The following CAT variants were observed in gnomAD, a reference collection of about 807,000 sequenced individuals.
The protein encoded by CAT is epididymis secretory sperm binding protein.
In CAT, 43 loss-of-function variants were observed where a neutral mutation model predicts 59.0. The ratio of observed to expected loss-of-function variants is 0.73; its 90% CI spans 0.57 to 0.94. CAT has a LOEUF of 0.94. Among genes scored for constraint, CAT ranks in the 40% least tolerant of loss-of-function variants. The probability of loss-of-function intolerance (pLI) is 0.00; values close to 1 mark genes in which losing one functional copy is unlikely to be tolerated. For missense variants in CAT, 664 were observed against 682.9 expected (o/e 0.97, Z 0.31); for synonymous variants, 218 against 230.9 (o/e 0.94, Z 0.51).
rs1856629743 is a variant in CAT, at chr11:34,459,922, A to G, written c.1057-1329A>G. Among the ~76,000 whole-genome samples, 4 of 152,224 alleles carry G rather than the reference A, an allele frequency of 2.6e-5. No homozygotes were observed. The South Asian group carries it at 8.3e-4, about 32-fold the overall frequency. On this transcript the variant is annotated intron_variant, in intron 8 of 12. Coordinates refer to ENST00000241052, the MANE Select transcript of CAT (RefSeq NM_001752.4). ...TGGCCGCATGGCTAGTCATCTAAAT[A>G]TGACCTTAGGCTATTTGAAATGATG... is the stretch of plus-strand genomic sequence containing the variant.
At position 34,439,088 on chromosome 11, in the gene CAT, T is replaced by C; in HGVS notation, c.66+9T>C. On this transcript the variant is annotated intron_variant, in intron 1 of 12. Transcript: ENST00000241052. ...AGCAGCGGGCCGCGCAGGTACACTC[T>C]GTGCTCCCCGAGCGGGCCCGAAGGT... The C allele has an allele frequency of 6.3e-7, 1 of 1,581,212 alleles. No individual in the cohort carries two copies. The highest frequency in any genetic ancestry group is 8.6e-7 in the Non-Finnish European group (1 of 1,163,550).
intron 9 of CAT, among the ~76,000 whole-genome samples, chr11:34,463,791 A>G (rs75839268): frequency 1.5e-3 from 231 of 152,298 alleles, no homozygotes; most frequent in African/African-American, 5.4e-3. Flanking sequence ...ATAAACTTCT[A>G]CATGTGCTGT....
intron 4 of CAT, among the ~76,000 whole-genome samples, chr11:34,452,536 G>A (rs1564962659): frequency 6.6e-6 from 1 of 152,020 alleles, no homozygotes; most frequent in Admixed American, 6.6e-5. Flanking sequence ...AGCAGGAGGG[G>A]GTGTGTGTGC....
chr11:34,447,280 G>A (rs1444234759), intron 1 of CAT, among the ~76,000 whole-genome samples: 1 of 152,068 alleles, frequency 6.6e-6, no homozygotes, highest in Non-Finnish European at 1.5e-5. Context: ...GGATGGCCCA[G>A]GCATCAGGAG....
intron 8 of CAT, among the ~76,000 whole-genome samples, chr11:34,458,285 A>G (rs529291396): frequency 9.2e-5 from 14 of 152,356 alleles, no homozygotes; most frequent in Admixed American, 3.3e-4. Context: ...AATGAGAAGA[A>G]TAGAGTTTGG....
At position 34,456,132 on chromosome 11, in the gene CAT, CTT is replaced by C; in HGVS notation, c.837_838del (p.Phe279LeufsTer8). 1.9e-6 allele frequency: 3 copies of C among 1,613,938 alleles called. No individual in the cohort carries two copies. Among genetic ancestry groups the C allele is most frequent in the Non-Finnish European group, 2.5e-6 (3 of 1,179,842 alleles). On this transcript the variant is annotated frameshift_variant, in exon 7 of 13. Transcript: ENST00000241052. LOFTEE classifies it high-confidence loss of function. Reference sequence around the variant, plus strand: ...GCCACAGGAAAGTACCCCTCCTGGACTTTTTACATCCAGGTCATGACATTTAA... The same window carrying C: ...GCCACAGGAAAGTACCCCTCCTGGACTTTACATCCAGGTCATGACATTTAA...
At position 34,456,063 on chromosome 11, in the gene CAT, A is replaced by G. The variant is rs147298685; in HGVS notation, c.764A>G (p.Gln255Arg). 387 of 1,614,050 alleles carry G rather than the reference A, an allele frequency of 2.4e-4. No homozygotes were observed. The highest frequency in any genetic ancestry group is 3.3e-4 in the Middle Eastern group (2 of 6,084). ...LSVEDAARLS[Q>R]EDPDYGIRDL... ...GTTGAAGATGCGGCGAGACTTTCCC[A>G]GGAAGATCCTGACTATGGCATCCGG... is the stretch of plus-strand genomic sequence containing the variant. Residue 255 changes from glutamine (Q) to arginine (R), a missense_variant, in exon 7 of 13, where the codon CAG (glutamine) becomes CGG (arginine). Gln to Arg is a conservative substitution (Grantham distance 43, BLOSUM62 1). Coordinates refer to ENST00000241052, the MANE Select transcript of CAT (RefSeq NM_001752.4).
intron 9 of CAT, among the ~76,000 whole-genome samples, chr11:34,463,571 G>A (rs913833705): frequency 3.3e-5 from 5 of 152,184 alleles, no homozygotes; most frequent in Non-Finnish European, 7.3e-5. Context: ...ACTGGCTACC[G>A]TGTGACCTTG....
At chr11:34,442,533 G>A (rs909146399) in intron 1 of CAT, among the ~76,000 whole-genome samples, 3 of 152,124 alleles carry the variant, frequency 2.0e-5, no homozygotes, top group African/African-American at 4.8e-5. Context: ...CCCTGGAGGC[G>A]GAGGTTGCAG....
chr11:34,451,225 T>G, intron 3 of CAT, 127 bp downstream of exon 3: 1 of 737,152 alleles, frequency 1.4e-6, no homozygotes, highest in South Asian at 1.4e-5. Flanking sequence ...TGTCAAGGTT[T>G]TACAGTAGAA....
chr11:34,445,645 G>A (rs1216347847), intron 1 of CAT, among the ~76,000 whole-genome samples: 2 of 151,988 alleles, frequency 1.3e-5, no homozygotes, highest in African/African-American at 2.4e-5. Flanking sequence ...GGAGAGGTAC[G>A]TATGGATGTC....
intron 1 of CAT, among the ~76,000 whole-genome samples, chr11:34,443,854 G>C (rs79974132): frequency 6.6e-6 from 1 of 152,156 alleles, no homozygotes; most frequent in Non-Finnish European, 1.5e-5. Flanking sequence ...ATTTGGGATG[G>C]AGAAGGGGTG....
Position 34,453,096 on chromosome 11 carries a change from T to C in CAT, c.487T>C (p.Ser163Pro), listed in dbSNP as rs911288382. Residue 163 changes from serine to proline, a missense_variant, in exon 5 of 13, where the codon TCT becomes CCT. Transcript: ENST00000241052. ...CTCTCTTTTTTCTATTTAGTTTCCA[T>C]CTTTTATCCACAGCCAAAAGAGAAA... Reference protein sequence around the residue: ...FFIRDPILFPSFIHSQKRNPQ... With the variant: ...FFIRDPILFPPFIHSQKRNPQ... 19 of 1,606,506 alleles carry C rather than the reference T, an allele frequency of 1.2e-5. No individual in the cohort carries two copies. Among genetic ancestry groups the C allele is most frequent in the Non-Finnish European group, 1.4e-5 (17 of 1,173,278 alleles).
In CAT at chr11:34,448,375, C is replaced by T. The variant is rs1205408913; in HGVS notation, c.67-817C>T. ...TGACCCGGGGAAGACACTGCAGAGG[C>T]AGTTGTCTGTGGTCAAAAGTATTCT... On this transcript the variant is annotated intron_variant, in intron 1 of 12. Transcript: ENST00000241052. Among the ~76,000 whole-genome samples, 4 of 152,278 alleles carry T rather than the reference C, an allele frequency of 2.6e-5. No homozygotes were observed. In the East Asian group the frequency reaches 7.7e-4, roughly 29 times the overall value.
In CAT at chr11:34,456,207, G is replaced by A; in HGVS notation, c.903+5G>A. 6.2e-7 allele frequency: 1 copy of A among 1,607,866 alleles called. No individual in the cohort carries two copies. The highest frequency in any genetic ancestry group is 8.5e-7 in the Non-Finnish European group (1 of 1,174,640). On this transcript the variant is annotated splice_donor_5th_base_variant and intron_variant, in intron 7 of 12. Coordinates refer to ENST00000241052, the MANE Select transcript of CAT (RefSeq NM_001752.4). ...AATCCATTCGATCTCACCAAGGTGA[G>A]TCAGTAAACAACTATATTGTTTTCT...
chr11:34,439,570 C>T (rs1264690052), intron 1 of CAT, among the ~76,000 whole-genome samples: 2 of 152,186 alleles, frequency 1.3e-5, no homozygotes, highest in African/African-American at 2.4e-5. Context: ...CTGGTACGTA[C>T]TATGCACATT....
At position 34,452,125 on chromosome 11, in the gene CAT, C is replaced by G. The variant is rs779479510; in HGVS notation, c.398C>G (p.Ala133Gly). The G allele has an allele frequency of 5.1e-5, 82 of 1,613,484 alleles. No homozygotes were observed. Among genetic ancestry groups the G allele is most frequent in the Non-Finnish European group, 6.8e-5 (80 of 1,179,650 alleles). Residue 133 changes from alanine to glycine, a missense_variant, in exon 4 of 13, where the codon GCA becomes GGA. Coordinates refer to ENST00000241052, the MANE Select transcript of CAT (RefSeq NM_001752.4). ...ACAGTTCGGGACCCTCGTGGGTTTG[C>G]AGTGAAATTTTACACAGAAGATGGT... ...ADTVRDPRGF[A>G]VKFYTEDGNW...
chr11:34,443,378 T>C (rs1263320425), intron 1 of CAT, among the ~76,000 whole-genome samples: 6 of 152,228 alleles, frequency 3.9e-5, no homozygotes, highest in Non-Finnish European at 7.3e-5. Context: ...AAGTGAGCAT[T>C]GAGTCAGATG....
intron 1 of CAT, among the ~76,000 whole-genome samples, chr11:34,447,305 C>G (rs567218153): frequency 6.6e-6 from 1 of 152,246 alleles, no homozygotes; most frequent in South Asian, 2.1e-4. Context: ...TAAAAAGCTC[C>G]TCAGGTGATT....
Sources: gnomAD v4.1 joint callset for allele counts (sites outside exome capture counted in the v4.1 genomes callset) on GRCh38, gnomAD v4.1.1 for gene constraint, MANE v1.5 for transcripts, NCBI Gene and HGNC (gene_info 2026-07-23, HGNC 2026-07-21) for gene names.